Variants in HECTD2 observed in about 807,000 individuals in gnomAD.
The protein encoded by HECTD2 is HECT domain E3 ubiquitin protein ligase 2.
A neutral mutation model predicts 103.2 loss-of-function variants in HECTD2; 35 were observed. The ratio of observed to expected loss-of-function variants is 0.34; its 90% CI spans 0.26 to 0.45. HECTD2 has a LOEUF of 0.45. Among genes scored for constraint, HECTD2 ranks in the 20% least tolerant of loss-of-function variants. HECTD2 has a pLI of 1.00. For synonymous variants in HECTD2, 281 were observed against 329.9 expected, an observed-to-expected ratio of 0.85 and a Z score of 1.61; for missense variants, 596 against 937.4, an observed-to-expected ratio of 0.64 and a Z score of 4.76.
At position 91,514,381 on chromosome 10, in the gene HECTD2, A is replaced by G. The variant is rs1168116270; in HGVS notation, c.*1997A>G. The G allele has an allele frequency of 6.5e-6, 1 of 152,684 alleles. No homozygotes were observed. The allele number at this position is 152,684 out of a possible 1,614,324, so 9.5% of individuals were successfully genotyped here. On this transcript the variant is annotated 3_prime_UTR_variant, in exon 21 of 21. Coordinates refer to ENST00000298068, the MANE Select transcript of HECTD2 (RefSeq NM_182765.6). ...GTTAAGTTGAAATGTATAATCATTT[A>G]TCACTAAATTGCACATTGCCTTTAT...
chr10:91,420,250 T>G (rs1843296210), intron 1 of HECTD2, among the ~76,000 whole-genome samples: 1 of 151,638 alleles, frequency 6.6e-6, no homozygotes, highest in East Asian at 1.9e-4. Flanking sequence ...CAAGGAATTT[T>G]TTTCTATGTT....
chr10:91,449,139 G>C (rs577546019), intron 2 of HECTD2, among the ~76,000 whole-genome samples: 16 of 152,082 alleles, frequency 1.1e-4, no homozygotes, highest in African/African-American at 3.9e-4. Context: ...TAAAATACTG[G>C]CAAACCAAAT....
chr10:91,413,789 G>T (rs1427871164), intron 1 of HECTD2, among the ~76,000 whole-genome samples: 1 of 152,224 alleles, frequency 6.6e-6, no homozygotes, highest in African/African-American at 2.4e-5. Context: ...AGAAATGGCA[G>T]TGGCAGTGGT....
intron 2 of HECTD2, among the ~76,000 whole-genome samples, chr10:91,454,728 C>T (rs917659401): frequency 6.6e-6 from 1 of 151,282 alleles, no homozygotes; most frequent in African/African-American, 2.4e-5. Flanking sequence ...CCTCCCCCTA[C>T]CCCACAACAG....
In HECTD2 at chr10:91,484,579, A is replaced by C; in HGVS notation, c.894A>C (p.Ala298=). 1 of 1,612,694 alleles carries C rather than the reference A, an allele frequency of 6.2e-7. No homozygotes were observed. Among genetic ancestry groups the C allele is most frequent in the Non-Finnish European group, 8.5e-7 (1 of 1,179,036 alleles). Residue 298 remains alanine (A), a synonymous_variant, in exon 9 of 21, where the codon GCA becomes GCC. Transcript: ENST00000298068. ...LQFISLRLFP[A]KPEEFPPITK... Reference sequence around the variant, plus strand: ...TTATTTCTTTACGCCTGTTTCCTGCAAAGCCTGAAGAATTTCCACCTATAA... The same window carrying C: ...TTATTTCTTTACGCCTGTTTCCTGCCAAGCCTGAAGAATTTCCACCTATAA...
intron 5 of HECTD2, 81 bp downstream of exon 5, chr10:91,462,265 C>T (rs113643223): frequency 3.0e-5 from 42 of 1,379,034 alleles, no homozygotes; most frequent in African/African-American, 2.1e-4. Flanking sequence ...TTGTAAAAAT[C>T]ACCTTATAAT....
intron 1 of HECTD2, among the ~76,000 whole-genome samples, chr10:91,419,625 C>CT (rs1306888455): frequency 1.3e-5 from 2 of 152,098 alleles, no homozygotes; most frequent in Admixed American, 1.3e-4. Context: ...CAGCCTCTGC[C>CT]TAGAGAGTCA....
At chr10:91,432,727 AT>A (rs1437382707) in intron 2 of HECTD2, among the ~76,000 whole-genome samples, 1 of 151,966 alleles carries the variant, frequency 6.6e-6, no homozygotes. Flanking sequence ...GAACTCTGAC[AT>A]TTACCTTGAG....
chr10:91,410,225 G>A (rs1369436361), upstream of HECTD2: 1 of 151,888 alleles, frequency 6.6e-6, no homozygotes. Context: ...TGTGGGACCT[G>A]TGGGGAGCCG....
chr10:91,461,122 T>A lies in HECTD2; in HGVS notation c.408-132T>A, dbSNP rs980124617. Reference sequence around the variant, plus strand: ...TTAAGAATTATAAATCCATAAACTATATTAACTGGGACATATTTCTTTATT... The same window carrying A: ...TTAAGAATTATAAATCCATAAACTAAATTAACTGGGACATATTTCTTTATT... On this transcript the variant is annotated intron_variant, in intron 3 of 20. Transcript: ENST00000298068. 6.2e-6 allele frequency: 3 copies of A among 487,658 alleles called. No individual in the cohort carries two copies. The African/African-American group carries it at 6.2e-5, about 10-fold the overall frequency. 30.2% of individuals were successfully genotyped at this position (487,658 alleles called of 1,614,324 possible). A position where few individuals can be genotyped will look rare whatever the true frequency, so the allele number is the denominator to read the frequency against.
intron 2 of HECTD2, 40 bp from the exon 3 acceptor site, chr10:91,460,387 T>G: frequency 6.7e-7 from 1 of 1,492,682 alleles, no homozygotes; most frequent in Non-Finnish European, 9.0e-7. Context: ...TTGAAAAGTT[T>G]AATGATTCAT....
Position 91,512,651 on chromosome 10 carries a change from C to G in HECTD2, c.*267C>G. The G allele has an allele frequency of 3.0e-6, 1 of 336,884 alleles. No homozygotes were observed. Among genetic ancestry groups the G allele is most frequent in the Non-Finnish European group, 5.5e-6 (1 of 182,100 alleles). 20.9% of individuals were successfully genotyped at this position (336,884 alleles called of 1,614,324 possible). A position where few individuals can be genotyped will look rare whatever the true frequency, so the allele number is the denominator to read the frequency against. On this transcript the variant is annotated 3_prime_UTR_variant, in exon 21 of 21. Transcript: ENST00000298068. The stretch of plus-strand genomic sequence containing the variant: ...CTCTTTTATATAGCACTTTATCATT[C>G]TCCACAAGTAGTTTGTCACAGGCAT...
chr10:91,487,841 ATAATT>A lies in HECTD2; in HGVS notation c.1191+67_1191+71del, dbSNP rs1357473523. The A allele has an allele frequency of 8.6e-6, 8 of 931,138 alleles. No homozygotes were observed. Among genetic ancestry groups the A allele is most frequent in the African/African-American group, 1.7e-5 (1 of 59,392 alleles). 57.7% of individuals were successfully genotyped at this position (931,138 alleles called of 1,614,324 possible). A position where few individuals can be genotyped will look rare whatever the true frequency, so the allele number is the denominator to read the frequency against. On this transcript the variant is annotated intron_variant, in intron 11 of 20. Coordinates refer to ENST00000298068, the MANE Select transcript of HECTD2 (RefSeq NM_182765.6). This position sits in a 1 kb window ranked among gnomAD's most constrained non-coding sequence, Gnocchi z 4.1. Reference sequence around the variant, plus strand: ...ATCAGTATAGTAAATAATTTAATAAATAATTTAAATGTCTTGTGAATTGTTCTAGC... The same window carrying A: ...ATCAGTATAGTAAATAATTTAATAAATAAATGTCTTGTGAATTGTTCTAGC...
At chr10:91,489,508 TTTCCAGTAAATA>T (rs1217762257) in intron 11 of HECTD2, 1 of 152,176 alleles carries the variant, frequency 6.6e-6, no homozygotes, top group Non-Finnish European at 1.5e-5. Flanking sequence ...TTTGGAGCAT[TTTCCAGTAAATA>T]TGAATTCCTG....
chr10:91,488,031 A>T (rs1846328227), intron 11 of HECTD2: 1 of 247,134 alleles, frequency 4.0e-6, no homozygotes, highest in African/African-American at 2.3e-5. Context: ...TCACAGATTC[A>T]AATTACTGAG....
At chr10:91,489,322 T>TA (rs1473672703) in intron 11 of HECTD2, 1 of 152,200 alleles carries the variant, frequency 6.6e-6, no homozygotes, top group Admixed American at 6.5e-5. Flanking sequence ...TAAATTGCCA[T>TA]ATCACTTGGA....
intron 2 of HECTD2, among the ~76,000 whole-genome samples, chr10:91,426,531 C>G (rs1843565047): frequency 6.6e-6 from 1 of 151,352 alleles, no homozygotes; most frequent in African/African-American, 2.4e-5. Context: ...GAACATTTAC[C>G]TTTGATAACT....
chr10:91,505,579 T>C lies in HECTD2; in HGVS notation c.2210+4245T>C, dbSNP rs1847123096. On this transcript the variant is annotated intron_variant, in intron 20 of 20. Transcript: ENST00000298068. Reference sequence around the variant, plus strand: ...ATTCAACAAGAAGAGCTAACTATCCTAAATATATATGCACCCAATACAGGA... The same window carrying C: ...ATTCAACAAGAAGAGCTAACTATCCCAAATATATATGCACCCAATACAGGA... Among the ~76,000 whole-genome samples, 4 of 150,984 alleles carry C rather than the reference T, an allele frequency of 2.6e-5. No individual in the cohort carries two copies. In the South Asian group the frequency reaches 8.4e-4, roughly 32 times the overall value.
chr10:91,463,914 G>T (rs1054188755), intron 5 of HECTD2, among the ~76,000 whole-genome samples: 3 of 152,116 alleles, frequency 2.0e-5, no homozygotes, highest in Admixed American at 2.0e-4. Context: ...TGCATATTCT[G>T]TAACCCAACA....
Sources: gnomAD v4.1 joint callset for allele counts (sites outside exome capture counted in the v4.1 genomes callset) on GRCh38, gnomAD v4.1.1 for gene constraint, Gnocchi (gnomAD v3.1) non-coding constraint, MANE v1.5 for transcripts, NCBI Gene and HGNC (gene_info 2026-07-23, HGNC 2026-07-21) for gene names.